TMPRSS11D: variants seen among roughly 807,000 people sequenced by gnomAD.
TMPRSS11D encodes the protein transmembrane protease serine 11D.
TMPRSS11D carries 32 observed loss-of-function variants against 44.4 expected under a neutral mutation model. That is an observed-to-expected ratio of 0.72 (90% confidence interval 0.54 to 0.97). The LOEUF (loss-of-function observed/expected upper bound fraction) is 0.97. Ranked by LOEUF, TMPRSS11D falls within the 50% of genes least tolerant of loss-of-function variation. The pLI is 0.00. For synonymous variants in TMPRSS11D, 179 were observed against 177.9 expected (o/e 1.01, Z -0.05); for missense variants, 446 against 502.6 (o/e 0.89, Z 1.08).
chr4:67,867,702 T>A (rs1274042945), intron 1 of TMPRSS11D, among the ~76,000 whole-genome samples: 1 of 151,786 alleles, frequency 6.6e-6, no homozygotes, highest in Non-Finnish European at 1.5e-5. Flanking sequence ...GACATACAAA[T>A]AGCCACAAAC....
intron 2 of TMPRSS11D, among the ~76,000 whole-genome samples, chr4:67,855,683 A>G (rs1441751626): frequency 6.6e-6 from 1 of 152,222 alleles, no homozygotes; most frequent in East Asian, 1.9e-4. Context: ...TAGTACTGGA[A>G]GTCCTAACCA....
chr4:67,853,759 G>T (rs1055597434), intron 3 of TMPRSS11D, among the ~76,000 whole-genome samples: 2 of 152,108 alleles, frequency 1.3e-5, no homozygotes, highest in Admixed American at 1.3e-4. Flanking sequence ...AAAATGAAAA[G>T]AATTTAAAAA....
chr4:67,845,330 G>A (rs1433589902), intron 3 of TMPRSS11D, among the ~76,000 whole-genome samples: 2 of 152,160 alleles, frequency 1.3e-5, no homozygotes, highest in East Asian at 3.9e-4. Context: ...TCAGTAAGGA[G>A]ATGCTTGAAG....
At chr4:67,843,572 C>T (rs1050870247) in intron 3 of TMPRSS11D, among the ~76,000 whole-genome samples, 1 of 152,166 alleles carries the variant, frequency 6.6e-6, no homozygotes, top group Non-Finnish European at 1.5e-5. Flanking sequence ...AAGGATACTC[C>T]AACCTCAGTC....
chr4:67,848,262 A>T (rs1718405917), intron 3 of TMPRSS11D, among the ~76,000 whole-genome samples: 1 of 152,170 alleles, frequency 6.6e-6, no homozygotes, highest in Non-Finnish European at 1.5e-5. Context: ...ATCCTGATTG[A>T]AGTCTTTTGT....
chr4:67,870,085 C>T (rs1719021265), intron 1 of TMPRSS11D, among the ~76,000 whole-genome samples: 2 of 152,134 alleles, frequency 1.3e-5, no homozygotes, highest in Admixed American at 1.3e-4. Flanking sequence ...ATACGCTTTT[C>T]TTGTGTGTGG....
chr4:67,875,702 A>C (rs775397168), intron 1 of TMPRSS11D, among the ~76,000 whole-genome samples: 5 of 152,172 alleles, frequency 3.3e-5, no homozygotes, highest in Non-Finnish European at 7.3e-5. Context: ...CTAACTCCTC[A>C]ATTTCCTTGT....
At chr4:67,844,919 G>A (rs978644188) in intron 3 of TMPRSS11D, among the ~76,000 whole-genome samples, 2 of 152,126 alleles carry the variant, frequency 1.3e-5, no homozygotes, top group Admixed American at 6.5e-5. Context: ...AATATGGAAT[G>A]TTAAAGGAGA....
In TMPRSS11D at chr4:67,854,197, A is replaced by G; in HGVS notation, c.131-11T>C. ...AGTAAGATTTTTGATCTGAAAAAGA[A>G]ATAAAAGGGAAGGTCAGTCTTACTT... On this transcript the variant is annotated splice_polypyrimidine_tract_variant and intron_variant, in intron 2 of 9. Transcript: ENST00000283916. The G allele has an allele frequency of 7.5e-7, 1 of 1,336,618 alleles. No homozygotes were observed. The highest frequency in any genetic ancestry group is 1.3e-5 in the South Asian group (1 of 79,916). The allele number at this position is 1,336,618 out of a possible 1,614,324, so 82.8% of individuals were successfully genotyped here.
intron 1 of TMPRSS11D, 58 bp downstream of exon 1, chr4:67,883,867 TC>T (rs1719385408): frequency 7.0e-7 from 1 of 1,425,298 alleles, no homozygotes. Context: ...TTTATATTTT[TC>T]CCATACTGTA....
At chr4:67,838,372 A>G (rs377689857) in intron 4 of TMPRSS11D, 43 bp from the exon 5 acceptor site, 31 of 1,457,432 alleles carry the variant, frequency 2.1e-5, no homozygotes, top group African/African-American at 4.4e-5. Flanking sequence ...TAATATGACA[A>G]TTTTTCACCA....
intron 9 of TMPRSS11D, among the ~76,000 whole-genome samples, chr4:67,823,024 T>A (rs1273627853): frequency 6.6e-6 from 1 of 152,188 alleles, no homozygotes; most frequent in Non-Finnish European, 1.5e-5. Context: ...AACACTCACT[T>A]GCATTTGTGA....
intron 3 of TMPRSS11D, among the ~76,000 whole-genome samples, chr4:67,845,819 T>C (rs1167388205): frequency 2.0e-5 from 3 of 152,168 alleles, no homozygotes; most frequent in Non-Finnish European, 4.4e-5. Flanking sequence ...AAGCAAGTTA[T>C]GGCATGTGTA....
chr4:67,854,268 A>T, intron 2 of TMPRSS11D, 82 bp from the exon 3 acceptor site: 1 of 683,126 alleles, frequency 1.5e-6, no homozygotes, highest in Admixed American at 3.2e-5. Flanking sequence ...ATGGGAGGTT[A>T]TATTATAGAA....
chr4:67,857,291 AT>A (rs1250407753), intron 2 of TMPRSS11D, among the ~76,000 whole-genome samples: 2,232 of 5,446 alleles, frequency 0.41, 99 homozygotes, highest in South Asian at 0.5. Flanking sequence ...ATATATATAT[AT>A]ATATATATAT....
intron 3 of TMPRSS11D, among the ~76,000 whole-genome samples, chr4:67,852,808 CA>C (rs1718540261): frequency 6.6e-6 from 1 of 152,140 alleles, no homozygotes; most frequent in East Asian, 1.9e-4. Context: ...TATTAAGCAT[CA>C]ACCCGACCAA....
At chr4:67,837,841 A>G (rs1382188274) in intron 5 of TMPRSS11D, among the ~76,000 whole-genome samples, 1 of 152,164 alleles carries the variant, frequency 6.6e-6, no homozygotes, top group Non-Finnish European at 1.5e-5. Flanking sequence ...CATTAATTAA[A>G]TAGTTCTCTG....
chr4:67,855,750 A>G (rs1718621186), intron 2 of TMPRSS11D, among the ~76,000 whole-genome samples: 1 of 152,180 alleles, frequency 6.6e-6, no homozygotes, highest in Non-Finnish European at 1.5e-5. Context: ...AAGAAGTTAC[A>G]TATTCAAATT....
chr4:67,845,076 G>A (rs769761901), intron 3 of TMPRSS11D, among the ~76,000 whole-genome samples: 3 of 152,112 alleles, frequency 2.0e-5, no homozygotes, highest in Admixed American at 2.0e-4. Flanking sequence ...CACTGGCACC[G>A]GCTAGACTGG....
Sources: allele counts gnomAD v4.1 joint callset (sites outside exome capture counted in the v4.1 genomes callset), GRCh38; gene constraint gnomAD v4.1.1; transcripts MANE v1.5; gene names NCBI Gene and HGNC (gene_info 2026-07-23, HGNC 2026-07-21).